The following CHRNA9 variants were observed in gnomAD, a reference collection of about 807,000 sequenced individuals.
CHRNA9 encodes the protein neuronal acetylcholine receptor subunit alpha-9.
Under a neutral mutation model 36.8 loss-of-function variants are expected in CHRNA9, and 24 were observed. That is an observed-to-expected ratio of 0.65 (90% CI 0.47 to 0.92). CHRNA9 has a LOEUF of 0.92. Ranked by LOEUF, CHRNA9 falls within the 40% of genes least tolerant of loss-of-function variation. The pLI is 0.00. For synonymous variants in CHRNA9, 231 were observed against 231.8 expected, an observed-to-expected ratio of 1.00 and a Z score of 0.03; for missense variants, 610 against 601.2, an observed-to-expected ratio of 1.01 and a Z score of -0.15.
At chr4:40,336,986 A>C (rs976464828) in intron 2 of CHRNA9, among the ~76,000 whole-genome samples, 2 of 152,210 alleles carry the variant, frequency 1.3e-5, no homozygotes, top group African/African-American at 4.8e-5. Flanking sequence ...CAATACTAAA[A>C]TATTTGTCCA....
chr4:40,346,959 C>T (rs111862694), intron 3 of CHRNA9, among the ~76,000 whole-genome samples: 11,398 of 151,794 alleles, frequency 0.075, 1,116 homozygotes, highest in African/African-American at 0.22. Context: ...TACAGGTGCG[C>T]GCCACCACGC....
chr4:40,340,535 C>T (rs1712469438), intron 3 of CHRNA9, among the ~76,000 whole-genome samples: 1 of 152,182 alleles, frequency 6.6e-6, no homozygotes, highest in African/African-American at 2.4e-5. Flanking sequence ...TGCTGAATCC[C>T]TGACTCTGTA....
intron 3 of CHRNA9, among the ~76,000 whole-genome samples, chr4:40,346,268 T>C (rs992242604): frequency 6.6e-6 from 1 of 152,224 alleles, no homozygotes; most frequent in African/African-American, 2.4e-5. Flanking sequence ...ATCACTCCTA[T>C]CATGGTGACC....
chr4:40,348,785 A>G (rs1560317932), intron 3 of CHRNA9, 97 bp from the exon 4 acceptor site: 1 of 1,256,304 alleles, frequency 8.0e-7, no homozygotes. Context: ...GTCCATTGCC[A>G]AAACACTGAA....
At chr4:40,352,131 T>C (rs780834093) in intron 4 of CHRNA9, among the ~76,000 whole-genome samples, 1 of 152,242 alleles carries the variant, frequency 6.6e-6, no homozygotes, top group Non-Finnish European at 1.5e-5. Context: ...TTGATTCCCA[T>C]TTCTATTAAA....
intron 3 of CHRNA9, among the ~76,000 whole-genome samples, chr4:40,342,756 G>A (rs1481249483): frequency 6.6e-6 from 1 of 152,144 alleles, no homozygotes; most frequent in Non-Finnish European, 1.5e-5. Context: ...AAGGAGATGA[G>A]AGAGGTAGAA....
In CHRNA9 at chr4:40,354,713, T is replaced by C. The variant is rs1712911327; in HGVS notation, c.*193T>C. 2 of 546,386 alleles carry C rather than the reference T, an allele frequency of 3.7e-6. No homozygotes were observed. Among genetic ancestry groups the C allele is most frequent in the Admixed American group, 6.4e-5 (2 of 31,012 alleles). 33.8% of individuals were successfully genotyped at this position (546,386 alleles called of 1,614,324 possible). On this transcript the variant is annotated 3_prime_UTR_variant, in exon 5 of 5. Coordinates refer to ENST00000310169, the MANE Select transcript of CHRNA9 (RefSeq NM_017581.4). ...AGCAGAAGAACCAAAATTTCAAGGG[T>C]AGGAAGATGGAAGAAATAGGGAAAG...
chr4:40,345,776 G>C (rs1712621220), intron 3 of CHRNA9, among the ~76,000 whole-genome samples: 1 of 152,132 alleles, frequency 6.6e-6, no homozygotes, highest in Non-Finnish European at 1.5e-5. Context: ...TGTAATCCCA[G>C]CACTCTGGGA....
At chr4:40,350,027 C>T (rs1030941820) in intron 4 of CHRNA9, 1 of 153,598 alleles carries the variant, frequency 6.5e-6, no homozygotes, top group African/African-American at 2.4e-5. Flanking sequence ...CACACCCTGG[C>T]ATATGGTAAG....
chr4:40,336,643 AT>A (rs34914109), intron 2 of CHRNA9, among the ~76,000 whole-genome samples: 37,410 of 149,644 alleles, frequency 0.25, 4,788 homozygotes, highest in Admixed American at 0.33. Flanking sequence ...CACCCGGCTA[AT>A]TTTTTTTTTG....
intron 3 of CHRNA9, among the ~76,000 whole-genome samples, chr4:40,337,831 C>T (rs1712372307): frequency 6.6e-6 from 1 of 152,136 alleles, no homozygotes; most frequent in Non-Finnish European, 1.5e-5. Context: ...AGAAGCGTCA[C>T]TCTGAGCTCT....
chr4:40,354,234 C>A lies in CHRNA9; in HGVS notation c.1154C>A (p.Ala385Asp). ...CTCCCAGAGTCTAACCTGAAAGCAG[C>A]CAGGAACAAAGACCTTTCCAGAAAG... ...SKLPESNLKA[A>D]RNKDLSRKKD... Residue 385 changes from alanine to aspartate, a missense_variant, in exon 5 of 5, where the codon GCC (alanine) becomes GAC (aspartate). By Grantham distance (126) the Ala-to-Asp change is moderately radical (BLOSUM62 -2). Transcript: ENST00000310169. 1 of 1,614,180 alleles carries A rather than the reference C, an allele frequency of 6.2e-7. No individual in the cohort carries two copies. Among genetic ancestry groups the A allele is most frequent in the East Asian group, 2.2e-5 (1 of 44,886 alleles).
chr4:40,344,388 G>A (rs1234919070), intron 3 of CHRNA9, among the ~76,000 whole-genome samples: 1 of 152,080 alleles, frequency 6.6e-6, no homozygotes, highest in Non-Finnish European at 1.5e-5. Context: ...AAAAAAATTA[G>A]CCAGATATGG....
chr4:40,349,356 T>C lies in CHRNA9; in HGVS notation c.840T>C (p.Thr280=), dbSNP rs768254458. Residue 280 remains threonine, a synonymous_variant, in exon 4 of 5, where the codon ACT becomes ACC. Transcript: ENST00000310169. ...GAGTGACCATCCTGTTGGCCATGAC[T>C]GTATTTCAGCTAATGGTGGCAGAAA... The part of the protein sequence containing the change: ...SLGVTILLAM[T]VFQLMVAEIM... 1 of 1,614,124 alleles carries C rather than the reference T, an allele frequency of 6.2e-7. No individual in the cohort carries two copies. Among genetic ancestry groups the C allele is most frequent in the Admixed American group, 1.7e-5 (1 of 60,022 alleles).
chr4:40,352,876 GGTCAA>G (rs147376204), intron 4 of CHRNA9, among the ~76,000 whole-genome samples: 2,837 of 152,136 alleles, frequency 0.019, 74 homozygotes, highest in African/African-American at 0.064. Context: ...TCTGAGAACT[GGTCAA>G]GTTCATTAAT....
chr4:40,336,794 A>T (rs919039062), intron 2 of CHRNA9, among the ~76,000 whole-genome samples: 42 of 152,256 alleles, frequency 2.8e-4, no homozygotes, highest in African/African-American at 9.4e-4. Flanking sequence ...TCAATTTTTT[A>T]AAAAAGGTAG....
At position 40,354,162 on chromosome 4, in the gene CHRNA9, C is replaced by T. The variant is rs756774217; in HGVS notation, c.1082C>T (p.Pro361Leu). ...VYDVGESCLS[P>L]HHSRERDHLT... ...GATGTGGGTGAAAGCTGCCTCAGCC[C>T]GCACCACAGTAGAGAGCGGGACCAC... The change falls in exon 5 of 5, where the codon CCG (proline) becomes CTG (leucine). Residue 361 changes from proline to leucine, a missense_variant. Coordinates refer to ENST00000310169, the MANE Select transcript of CHRNA9 (RefSeq NM_017581.4). The T allele has an allele frequency of 1.3e-5, 21 of 1,613,962 alleles. No homozygotes were observed. The highest frequency in any genetic ancestry group is 1.2e-4 in the African/African-American group (9 of 74,892).
rs76706995 is a variant in CHRNA9, at chr4:40,353,617, C to G, written c.899-362C>G. On this transcript the variant is annotated intron_variant, in intron 4 of 4. Coordinates refer to ENST00000310169, the MANE Select transcript of CHRNA9 (RefSeq NM_017581.4). ...AACAATGTTTTGGTAAATGACAGAC[C>G]GTGTATACAACAATGGTCCCATAAG... Among the ~76,000 whole-genome samples, 1,441 of 152,168 alleles carry G rather than the reference C, an allele frequency of 9.5e-3. 21 individuals are homozygous for G. The highest frequency in any genetic ancestry group is 0.031 in the African/African-American group (1,299 of 41,500).
At chr4:40,351,208 T>A (rs1037648979) in intron 4 of CHRNA9, among the ~76,000 whole-genome samples, 1 of 151,158 alleles carries the variant, frequency 6.6e-6, no homozygotes, top group Non-Finnish European at 1.5e-5. Context: ...GGTGCGTGCC[T>A]GTAATCCCAG....
Sources: gnomAD v4.1 joint callset for allele counts (sites outside exome capture counted in the v4.1 genomes callset) on GRCh38, gnomAD v4.1.1 for gene constraint, MANE v1.5 for transcripts, NCBI Gene and HGNC (gene_info 2026-07-23, HGNC 2026-07-21) for gene names.